ATP8A1: variants seen among roughly 807,000 people sequenced by gnomAD.
ATP8A1 encodes phospholipid-transporting ATPase IA.
A neutral mutation model predicts 177.7 loss-of-function variants in ATP8A1; 90 were observed. That is an observed-to-expected ratio of 0.51 (90% CI 0.43 to 0.60). ATP8A1 has a LOEUF of 0.60. Among genes scored for constraint, ATP8A1 ranks in the 20% least tolerant of loss-of-function variants. The pLI, the probability that ATP8A1 is intolerant of heterozygous loss-of-function variation, is 0.00. For synonymous variants in ATP8A1, 493 were observed against 485.9 expected (o/e 1.01, Z -0.19); for missense variants, 1,072 against 1,392.8 (o/e 0.77, Z 3.67).
At chr4:42,575,593 A>G in intron 13 of ATP8A1, 29 bp downstream of exon 13, 2 of 1,595,062 alleles carry the variant, frequency 1.3e-6, no homozygotes, top group East Asian at 4.5e-5. Flanking sequence ...TTTTAATTCC[A>G]CACATAATCA....
chr4:42,460,537 G>A (rs1367285853), intron 27 of ATP8A1, among the ~76,000 whole-genome samples: 1 of 151,992 alleles, frequency 6.6e-6, no homozygotes, highest in East Asian at 1.9e-4. Context: ...ACAGGCAACT[G>A]CCACCATGCC....
chr4:42,638,586 T>G (rs1739621566), intron 1 of ATP8A1, among the ~76,000 whole-genome samples: 1 of 152,162 alleles, frequency 6.6e-6, no homozygotes, highest in Non-Finnish European at 1.5e-5. Flanking sequence ...TTGGAAATAA[T>G]AAAACATTTA....
intron 35 of ATP8A1, among the ~76,000 whole-genome samples, chr4:42,421,855 T>A (rs1713977620): frequency 6.6e-6 from 1 of 152,212 alleles, no homozygotes; most frequent in African/African-American, 2.4e-5. Context: ...TTGTCTTTTA[T>A]TATAGACTGC....
chr4:42,497,808 C>A (rs924624158), intron 24 of ATP8A1, among the ~76,000 whole-genome samples: 3 of 152,164 alleles, frequency 2.0e-5, no homozygotes, highest in African/African-American at 7.2e-5. Flanking sequence ...AATGTTTACA[C>A]TTTTTACTAA....
intron 20 of ATP8A1, among the ~76,000 whole-genome samples, chr4:42,531,364 G>A (rs1188979607): frequency 6.6e-6 from 1 of 152,172 alleles, no homozygotes. Flanking sequence ...TAGCAGAAGA[G>A]GGCAGTCAAC....
chr4:42,412,985 AT>A lies in ATP8A1; in HGVS notation c.3425del (p.Asn1142MetfsTer9). ...LHGYAFSQDE[N>X]GIVSQSEVIR... Reference sequence around the variant, plus strand: ...TCACTTCAGACTGTGAAACGATTCCATTTTCATCTTGAGAGAACGCATACCC... The same window carrying A: ...TCACTTCAGACTGTGAAACGATTCCATTTCATCTTGAGAGAACGCATACCC... On this transcript the variant is annotated frameshift_variant, in exon 37 of 37. Transcript: ENST00000381668. LOFTEE classifies it high-confidence loss of function. 1 of 1,613,430 alleles carries A rather than the reference AT, an allele frequency of 6.2e-7. No homozygotes were observed. Among genetic ancestry groups the A allele is most frequent in the Non-Finnish European group, 8.5e-7 (1 of 1,179,580 alleles).
chr4:42,465,503 T>C (rs1047257128), intron 25 of ATP8A1, among the ~76,000 whole-genome samples: 2 of 152,220 alleles, frequency 1.3e-5, no homozygotes, highest in Non-Finnish European at 2.9e-5. Context: ...TAATGTACTA[T>C]ACACTTAAAA....
intron 27 of ATP8A1, among the ~76,000 whole-genome samples, chr4:42,457,691 T>C (rs944224701): frequency 2.0e-5 from 3 of 152,226 alleles, no homozygotes; most frequent in Non-Finnish European, 4.4e-5. Context: ...AATGGTCCCC[T>C]AGCTTCTGTG....
intron 25 of ATP8A1, among the ~76,000 whole-genome samples, chr4:42,479,679 A>G (rs1191332915): frequency 2.0e-5 from 3 of 152,252 alleles, no homozygotes; most frequent in African/African-American, 7.2e-5. Flanking sequence ...ACTGCATTTA[A>G]AATTTGTGGA....
intron 1 of ATP8A1, among the ~76,000 whole-genome samples, chr4:42,635,808 T>TATATATATATATATAC (rs1553920622): frequency 8.8e-6 from 1 of 113,976 alleles, no homozygotes; most frequent in Non-Finnish European, 1.7e-5. Flanking sequence ...TATATATATA[T>TATATATATATATATAC]ATACACATGT....
intron 5 of ATP8A1, among the ~76,000 whole-genome samples, chr4:42,611,071 G>C (rs931962774): frequency 6.6e-6 from 1 of 152,262 alleles, no homozygotes; most frequent in African/African-American, 2.4e-5. Flanking sequence ...TTAACAACCC[G>C]CAACACATTC....
chr4:42,525,817 T>C (rs568166962), intron 20 of ATP8A1, among the ~76,000 whole-genome samples: 5 of 152,290 alleles, frequency 3.3e-5, no homozygotes, highest in African/African-American at 7.2e-5. Context: ...AGCAGACTAA[T>C]GGAGTATGAT....
At chr4:42,537,663 A>G (rs543620889) in intron 20 of ATP8A1, among the ~76,000 whole-genome samples, 2 of 152,312 alleles carry the variant, frequency 1.3e-5, no homozygotes, top group African/African-American at 4.8e-5. Context: ...CTTTTACAAT[A>G]GCTGCAAAAA....
At chr4:42,522,471 T>G (rs1726232369) in intron 21 of ATP8A1, among the ~76,000 whole-genome samples, 172 bp from the exon 22 acceptor site, 1 of 152,214 alleles carries the variant, frequency 6.6e-6, no homozygotes, top group East Asian at 1.9e-4. Context: ...TAGATTAATG[T>G]TCCCCTGGTC....
Position 42,471,937 on chromosome 4 carries a change from CTGAG to C in ATP8A1, c.2325-6865_2325-6862del, listed in dbSNP as rs1382996428. 6 of 667,422 alleles carry C rather than the reference CTGAG, an allele frequency of 9.0e-6. No homozygotes were observed. The East Asian group carries it at 1.8e-4, about 20-fold the overall frequency. The allele number at this position is 667,422 out of a possible 1,614,324, so 41.3% of individuals were successfully genotyped here. A position where few individuals can be genotyped will look rare whatever the true frequency, so the allele number is the denominator to read the frequency against. The stretch of plus-strand genomic sequence containing the variant: ...GGACCTCAAGGCTCAGCTCAGGAAG[CTGAG>C]TATTACAGCAGCCAAAGAGCCTAAG... On this transcript the variant is annotated intron_variant, in intron 25 of 36. Coordinates refer to ENST00000381668, the MANE Select transcript of ATP8A1 (RefSeq NM_006095.2).
At chr4:42,598,347 A>G (rs1210251655) in intron 6 of ATP8A1, among the ~76,000 whole-genome samples, 1 of 152,106 alleles carries the variant, frequency 6.6e-6, no homozygotes, top group Non-Finnish European at 1.5e-5. Flanking sequence ...TCAGGGCACT[A>G]TATTTTATTC....
chr4:42,546,528 A>G (rs1290414689), intron 19 of ATP8A1, among the ~76,000 whole-genome samples: 2 of 151,798 alleles, frequency 1.3e-5, no homozygotes, highest in African/African-American at 4.8e-5. Context: ...TCATGTATAC[A>G]TATGTAACAA....
rs181781576 is a variant in ATP8A1, at chr4:42,600,560, T to C, written c.410-42A>G. 2.5e-6 allele frequency: 4 copies of C among 1,570,586 alleles called. No individual in the cohort carries two copies. In the East Asian group the frequency reaches 6.8e-5, roughly 27 times the overall value. ...TGACATTTTAAACAACATGTTTTAC[T>C]ATGAAAAGGCCATTTCTGATGAAAT... On this transcript the variant is annotated intron_variant, in intron 5 of 36. Transcript: ENST00000381668.
chr4:42,484,966 A>G (rs1722046030), intron 25 of ATP8A1, among the ~76,000 whole-genome samples: 1 of 152,240 alleles, frequency 6.6e-6, no homozygotes, highest in Non-Finnish European at 1.5e-5. Flanking sequence ...GACTGGAGCT[A>G]TGTCGTTTAC....
Sources: allele counts gnomAD v4.1 joint callset (sites outside exome capture counted in the v4.1 genomes callset), GRCh38; gene constraint gnomAD v4.1.1; transcripts MANE v1.5; gene names NCBI Gene and HGNC (gene_info 2026-07-23, HGNC 2026-07-21).